Variants in CD36 observed in about 807,000 individuals in gnomAD.
CD36 encodes the protein platelet glycoprotein 4.
In CD36, 119 loss-of-function variants were observed where a neutral mutation model predicts 55.2. The observed-to-expected ratio is 2.15, with a 90% CI of 1.86 to 2.51. CD36 has a LOEUF of 2.51. CD36 is among the 30% of genes most tolerant of loss of function. The pLI is 0.00. For synonymous variants in CD36, 186 were observed against 193.6 expected (o/e 0.96, Z 0.33); for missense variants, 819 against 555.5 (o/e 1.47, Z -4.77).
chr7:80,611,620 A>G (rs1182785472), intron 1 of CD36, among the ~76,000 whole-genome samples: 1 of 152,224 alleles, frequency 6.6e-6, no homozygotes, highest in African/African-American at 2.4e-5. Context: ...GGGAACTGAC[A>G]GTGACCCGGT....
Position 80,619,608 on chromosome 7 carries a change from G to A in CD36, c.-184+17229G>A, listed in dbSNP as rs1023402184. ...ATTGCAGTGAGCCTATTTTGCACCA[G>A]TGCACTCCAGCCTGGGTGACAGAGT... On this transcript the variant is annotated intron_variant, in intron 1 of 13. Coordinates refer to the CD36 transcript ENST00000309881. Among the ~76,000 whole-genome samples the A allele has an allele frequency of 1.0e-4, 15 of 143,854 alleles. No homozygotes were observed. The East Asian group carries it at 3.2e-3, about 30-fold the overall frequency. The allele number at this position is 143,854 out of a possible 152,430, so 94.4% of individuals were successfully genotyped here.
chr7:80,608,823 C>T (rs1029246353), intron 1 of CD36, among the ~76,000 whole-genome samples: 2 of 152,146 alleles, frequency 1.3e-5, no homozygotes, highest in Admixed American at 6.5e-5. Flanking sequence ...CTCTACCTAA[C>T]TAATTAGTCA....
intron 7 of CD36, among the ~76,000 whole-genome samples, chr7:80,664,852 T>TAAAA (rs11464530): frequency 2.4e-4 from 34 of 144,202 alleles, no homozygotes; most frequent in African/African-American, 8.4e-4. Flanking sequence ...AATGAAAAGG[T>TAAAA]AAAAAAAAAA....
At chr7:80,675,895 G>T (rs772782012) in intron 14 of CD36, among the ~76,000 whole-genome samples, 17 of 152,082 alleles carry the variant, frequency 1.1e-4, no homozygotes, top group Non-Finnish European at 2.2e-4. Flanking sequence ...GGTCTGAAGG[G>T]TGTGGAAATG....
At chr7:80,614,690 A>G (rs1793050483) in intron 1 of CD36, among the ~76,000 whole-genome samples, 1 of 152,034 alleles carries the variant, frequency 6.6e-6, no homozygotes, top group Non-Finnish European at 1.5e-5. Context: ...ACCACATCTG[A>G]GTTCCTGACC....
intron 3 of CD36, among the ~76,000 whole-genome samples, chr7:80,647,924 A>G (rs547087136): frequency 2.0e-5 from 3 of 152,214 alleles, no homozygotes; most frequent in South Asian, 4.1e-4. Context: ...GGAGGAATTG[A>G]ATTTTTATTA....
At chr7:80,665,241 A>ATAATT (rs1423259149) in intron 7 of CD36, among the ~76,000 whole-genome samples, 3 of 151,746 alleles carry the variant, frequency 2.0e-5, no homozygotes, top group Non-Finnish European at 4.4e-5. Context: ...TAAAGAATTT[A>ATAATT]TAATTTATCA....
chr7:80,654,141 A>C (rs3211851), intron 3 of CD36, among the ~76,000 whole-genome samples: 19,730 of 152,136 alleles, frequency 0.13, 1,752 homozygotes, highest in East Asian at 0.32. Context: ...TGTGGCCTTT[A>C]GAAAAAAAGG....
At chr7:80,664,238 A>T (rs1365246462) in intron 6 of CD36, among the ~76,000 whole-genome samples, 168 bp from the exon 7 acceptor site, 1 of 151,914 alleles carries the variant, frequency 6.6e-6, no homozygotes, top group East Asian at 1.9e-4. Flanking sequence ...ACTTATTTCT[A>T]GGCACCTTTC....
At chr7:80,628,971 C>A (rs74989470) in intron 1 of CD36, among the ~76,000 whole-genome samples, 2,110 of 152,118 alleles carry the variant, frequency 0.014, 21 homozygotes, top group South Asian at 0.025. Flanking sequence ...TTTATCTCAG[C>A]GAGCAGAGGA....
chr7:80,675,569 T>C (rs1030126011), intron 14 of CD36, among the ~76,000 whole-genome samples: 1 of 152,164 alleles, frequency 6.6e-6, no homozygotes, highest in Non-Finnish European at 1.5e-5. Flanking sequence ...TTTGCTTATA[T>C]ATTTGATTTT....
chr7:80,608,537 T>G (rs1309903548), intron 1 of CD36, among the ~76,000 whole-genome samples: 1 of 152,224 alleles, frequency 6.6e-6, no homozygotes, highest in East Asian at 1.9e-4. Context: ...TTGCATATGG[T>G]AAGTTCCATA....
chr7:80,622,428 A>T (rs773214299), intron 1 of CD36, among the ~76,000 whole-genome samples: 6 of 152,244 alleles, frequency 3.9e-5, no homozygotes, highest in Non-Finnish European at 7.3e-5. Flanking sequence ...AATGGCATCC[A>T]CCAAAAATCA....
intron 1 of CD36, among the ~76,000 whole-genome samples, chr7:80,630,879 G>T (rs1190404797): frequency 6.6e-6 from 1 of 152,016 alleles, no homozygotes; most frequent in African/African-American, 2.4e-5. Flanking sequence ...AAAGCACAGT[G>T]TGGTTAACAA....
chr7:80,662,578 C>T lies in CD36; in HGVS notation c.430-412C>T, dbSNP rs1796627376. The T allele has an allele frequency of 1.2e-5, 3 of 249,902 alleles. No individual in the cohort carries two copies. The South Asian group carries it at 1.4e-4, about 12-fold the overall frequency. The allele number at this position is 249,902 out of a possible 1,614,324, so 15.5% of individuals were successfully genotyped here. ...TGGCTCCAGCGCCTTTGGGACCAGA[C>T]TTATGGCTTTTTTTTTTTTTAAGTT... On this transcript the variant is annotated intron_variant, in intron 5 of 14. Transcript: ENST00000447544.
intron 1 of CD36, among the ~76,000 whole-genome samples, chr7:80,603,504 T>A (rs867908354): frequency 2.0e-5 from 3 of 152,142 alleles, no homozygotes; most frequent in Admixed American, 6.6e-5. Context: ...TATCTTGTTT[T>A]CAGGTGTAAC....
chr7:80,612,391 A>G (rs1248669300), intron 1 of CD36, among the ~76,000 whole-genome samples: 1 of 152,240 alleles, frequency 6.6e-6, no homozygotes, highest in Non-Finnish European at 1.5e-5. Context: ...CTAATTTGTT[A>G]TATAAATGAA....
upstream of CD36, among the ~76,000 whole-genome samples, chr7:80,635,599 A>G (rs1002832118): frequency 6.6e-6 from 1 of 152,084 alleles, no homozygotes; most frequent in Non-Finnish European, 1.5e-5. Context: ...AACAAAAACT[A>G]TGTCAGGCTC....
At chr7:80,672,673 GT>G (rs772736153) in intron 11 of CD36, 96 bp from the exon 12 acceptor site, 26 of 832,244 alleles carry the variant, frequency 3.1e-5, no homozygotes, top group Non-Finnish European at 5.2e-5. Context: ...TTAACCTTAA[GT>G]TACTACCTTC....
Sources: allele counts gnomAD v4.1 joint callset (sites outside exome capture counted in the v4.1 genomes callset), GRCh38; gene constraint gnomAD v4.1.1; transcripts MANE v1.5; gene names NCBI Gene and HGNC (gene_info 2026-07-23, HGNC 2026-07-21).